The following HMCN2 variants were observed in gnomAD, a reference collection of about 807,000 sequenced individuals.
HMCN2 encodes the protein hemicentin 2.
HMCN2 carries 325 observed loss-of-function variants against 377.5 expected under a neutral mutation model. The observed-to-expected ratio is 0.86, with a 90% CI of 0.79 to 0.94. HMCN2 has a LOEUF of 0.94. Ranked by LOEUF, HMCN2 falls within the 40% of genes least tolerant of loss-of-function variation. The pLI, the probability that HMCN2 is intolerant of heterozygous loss-of-function variation, is 0.00. For synonymous variants in HMCN2, 2,007 were observed against 2,046.8 expected, an observed-to-expected ratio of 0.98 and a Z score of 0.53; for missense variants, 4,543 against 4,725.3, an observed-to-expected ratio of 0.96 and a Z score of 1.13.
intron 1 of HMCN2, among the ~76,000 whole-genome samples, chr9:130,281,812 C>G (rs1554925846): frequency 6.6e-6 from 1 of 151,456 alleles, no homozygotes; most frequent in Non-Finnish European, 1.5e-5. Flanking sequence ...ATCACCTGAA[C>G]CCAGGAGGCG....
intron 84 of HMCN2, 62 bp from the exon 85 acceptor site, chr9:130,410,509 C>T: frequency 6.8e-7 from 1 of 1,479,772 alleles, no homozygotes; most frequent in South Asian, 1.2e-5. Context: ...CCCTACCCAA[C>T]TGTCTGAGCC....
intron 81 of HMCN2, 104 bp from the exon 82 acceptor site, chr9:130,405,851 C>G (rs1022120291): frequency 3.5e-6 from 3 of 864,796 alleles, no homozygotes; most frequent in Non-Finnish European, 4.7e-6. Context: ...AGTCACTTCC[C>G]CTCTCTGGGC....
chr9:130,412,830 G>A (rs1454447110), intron 85 of HMCN2, among the ~76,000 whole-genome samples: 3 of 152,130 alleles, frequency 2.0e-5, no homozygotes, highest in African/African-American at 7.2e-5. Context: ...ACCTGCCTCG[G>A]CCTCCTAAAG....
At chr9:130,343,474 T>G (rs1025586791) in intron 25 of HMCN2, among the ~76,000 whole-genome samples, 4 of 152,108 alleles carry the variant, frequency 2.6e-5, no homozygotes, top group Non-Finnish European at 5.9e-5. Context: ...GGGTGGGAGC[T>G]CTGGGAGCCC....
intron 18 of HMCN2, among the ~76,000 whole-genome samples, chr9:130,321,440 C>T (rs952485423): frequency 9.2e-5 from 14 of 152,174 alleles, no homozygotes; most frequent in Admixed American, 3.3e-4. Context: ...ACACCAGGTC[C>T]CTGTGTCCTG....
chr9:130,395,547 C>T (rs898292050), intron 71 of HMCN2, among the ~76,000 whole-genome samples, 200 bp downstream of exon 71: 1 of 152,180 alleles, frequency 6.6e-6, no homozygotes, highest in African/African-American at 2.4e-5. Context: ...AGGCAAGGCT[C>T]AGGTCACTCA....
chr9:130,282,136 G>A (rs1288235702), intron 1 of HMCN2, among the ~76,000 whole-genome samples: 3 of 152,188 alleles, frequency 2.0e-5, no homozygotes, highest in African/African-American at 7.2e-5. Flanking sequence ...ACCTCATATT[G>A]AAGCAACACT....
intron 7 of HMCN2, among the ~76,000 whole-genome samples, chr9:130,298,477 T>C: frequency 6.6e-6 from 1 of 152,152 alleles, no homozygotes; most frequent in Non-Finnish European, 1.5e-5. Flanking sequence ...TGAGCTGTGA[T>C]TGCACTACTG....
chr9:130,374,836 C>T (rs1220682832), intron 49 of HMCN2, 143 bp downstream of exon 49: 3 of 232,946 alleles, frequency 1.3e-5, no homozygotes, highest in South Asian at 1.6e-4. Context: ...AATCATATAG[C>T]GACTCTATTG....
chr9:130,365,765 C>T (rs1015650692), intron 42 of HMCN2, 38 bp downstream of exon 42: 5 of 980,424 alleles, frequency 5.1e-6, no homozygotes, highest in Admixed American at 6.1e-5. Context: ...GAGGGGGCTG[C>T]TGCCTTGATT....
In HMCN2 at chr9:130,422,593, C is replaced by T; in HGVS notation, c.13248C>T (p.Ser4416=). 7.6e-7 allele frequency: 1 copy of T among 1,321,294 alleles called. No individual in the cohort carries two copies. The highest frequency in any genetic ancestry group is 9.7e-7 in the Non-Finnish European group (1 of 1,029,360). 81.8% of individuals were successfully genotyped at this position (1,321,294 alleles called of 1,614,324 possible). A position where few individuals can be genotyped will look rare whatever the true frequency, so the allele number is the denominator to read the frequency against. Residue 4416 remains serine (S), a synonymous_variant, in exon 87 of 98, where the codon AGC becomes AGT. Transcript: ENST00000683500. This position sits in a 1 kb window ranked among gnomAD's most constrained non-coding sequence, Gnocchi z 4.2. ...FLVVRGEPQG[S]WGSMTGVING... ...TCCTTACAGGGGAGCCCCAGGGGAG[C>T]TGGGGCAGCATGACTGGGGTGATAA... is the stretch of plus-strand genomic sequence containing the variant.
intron 22 of HMCN2, among the ~76,000 whole-genome samples, chr9:130,328,636 G>A (rs1342902064): frequency 2.6e-5 from 4 of 152,024 alleles, no homozygotes; most frequent in East Asian, 3.9e-4. Context: ...TAAATAAGGA[G>A]GGAAAATGTG....
chr9:130,407,913 T>C (rs564278158), intron 83 of HMCN2, among the ~76,000 whole-genome samples: 1 of 152,312 alleles, frequency 6.6e-6, no homozygotes, highest in Non-Finnish European at 1.5e-5. Context: ...GGGTGAGGCC[T>C]AGGCATCGGT....
intron 40 of HMCN2, among the ~76,000 whole-genome samples, chr9:130,363,251 T>C (rs569900740): frequency 2.0e-5 from 3 of 152,038 alleles, no homozygotes; most frequent in Non-Finnish European, 4.4e-5. Context: ...GGAAGGGGTG[T>C]GAAGTAGCAG....
chr9:130,321,584 C>T (rs1333779861), intron 18 of HMCN2, among the ~76,000 whole-genome samples: 1 of 152,090 alleles, frequency 6.6e-6, no homozygotes, highest in African/African-American at 2.4e-5. Flanking sequence ...GTCAGGCCCA[C>T]CCAGCCCTGC....
rs1844922410 is a variant in HMCN2, at chr9:130,433,783, G to A, written c.*90G>A. ...GTCCACGCCACCTGCTGTGGCAAGC[G>A]GAGCGTCATCGTCTCCCGCCCCGTG... is the stretch of plus-strand genomic sequence containing the variant. On this transcript the variant is annotated 3_prime_UTR_variant, in exon 98 of 98. Coordinates refer to ENST00000683500, the MANE Select transcript of HMCN2 (RefSeq NM_001291815.2). 2 of 1,092,744 alleles carry A rather than the reference G, an allele frequency of 1.8e-6. No individual in the cohort carries two copies. Among genetic ancestry groups the A allele is most frequent in the Non-Finnish European group, 2.5e-6 (2 of 805,648 alleles). 67.7% of individuals were successfully genotyped at this position (1,092,744 alleles called of 1,614,324 possible).
rs1350380328 is a variant in HMCN2, at chr9:130,422,028, A to G, written c.13232-549A>G. On this transcript the variant is annotated intron_variant, in intron 86 of 97. Transcript: ENST00000683500. This position sits in a 1 kb window ranked among gnomAD's most constrained non-coding sequence, Gnocchi z 4.2. ...GCATCATCCGTTTGATTAGCGCTAA[A>G]GAGCATCTGCTCACAGATGGCCTGG... is the stretch of plus-strand genomic sequence containing the variant. 6.6e-6 allele frequency among the ~76,000 whole-genome samples: 1 copy of G among 152,228 alleles called. No individual in the cohort carries two copies. The highest frequency in any genetic ancestry group is 1.9e-4 in the East Asian group (1 of 5,192).
At chr9:130,285,461 C>T (rs1835370265) in intron 3 of HMCN2, 145 bp downstream of exon 3, 2 of 368,172 alleles carry the variant, frequency 5.4e-6, no homozygotes, top group Admixed American at 3.4e-5. Flanking sequence ...CTCTGCCATG[C>T]ATGGCCAGAG....
At chr9:130,317,467 ATCTCTCTCTCTCTCTCTCTCTCTC>A (rs1177875902) in intron 15 of HMCN2, among the ~76,000 whole-genome samples, 1 of 123,336 alleles carries the variant, frequency 8.1e-6, no homozygotes, top group African/African-American at 3.1e-5. Flanking sequence ...AGACCCCACC[ATCTCTCTCTCTCTCTCTCTCTCTC>A]TCTCTCTCTC....
Sources: allele counts gnomAD v4.1 joint callset (sites outside exome capture counted in the v4.1 genomes callset), GRCh38; gene constraint gnomAD v4.1.1; non-coding constraint Gnocchi (gnomAD v3.1); transcripts MANE v1.5; gene names NCBI Gene and HGNC (gene_info 2026-07-23, HGNC 2026-07-21).